The following ARHGAP40 variants were observed in gnomAD, a reference collection of about 807,000 sequenced individuals.
ARHGAP40 encodes the protein rho GTPase-activating protein 40.
In ARHGAP40, 43 loss-of-function variants were observed where a neutral mutation model predicts 73.5. That is an observed-to-expected ratio of 0.58 (90% CI 0.46 to 0.75). The LOEUF (loss-of-function observed/expected upper bound fraction) is 0.75. Ranked by LOEUF, ARHGAP40 falls within the 30% of genes least tolerant of loss-of-function variation. The probability of loss-of-function intolerance (pLI) is 0.00; values close to 1 mark genes in which losing one functional copy is unlikely to be tolerated. For synonymous variants in ARHGAP40, 300 were observed against 352.8 expected (o/e 0.85, Z 1.68); for missense variants, 734 against 861.8 (o/e 0.85, Z 1.86).
chr20:38,623,558 G>T lies in ARHGAP40; in HGVS notation c.337G>T (p.Glu113Ter). The change falls in exon 2 of 15, where the codon GAA becomes TAA. Residue 113 changes from glutamate to a stop codon, truncating the protein, a stop_gained and splice_region_variant. Transcript: ENST00000373345. LOFTEE classifies it high-confidence loss of function. The stretch of plus-strand genomic sequence containing the variant: ...CGGGAATGAAGGCCAGCTTCCAGAG[G>T]GTGAGAGACCCTGGCGGGGGCCTAT... The T allele has an allele frequency of 7.8e-7, 1 of 1,288,368 alleles. No homozygotes were observed. The highest frequency in any genetic ancestry group is 1.0e-6 in the Non-Finnish European group (1 of 987,394). 79.8% of individuals were successfully genotyped at this position (1,288,368 alleles called of 1,614,324 possible).
intron 1 of ARHGAP40, among the ~76,000 whole-genome samples, chr20:38,608,408 T>C (rs915103921): frequency 2.0e-4 from 30 of 152,228 alleles, no homozygotes; most frequent in Admixed American, 1.5e-3. Context: ...CCCCTCGGGC[T>C]GTTTGCCCCA....
At chr20:38,634,566 A>G (rs745840271) in intron 5 of ARHGAP40, 54 bp from the exon 6 acceptor site, 75 of 1,296,800 alleles carry the variant, frequency 5.8e-5, no homozygotes, top group Non-Finnish European at 7.4e-5. Flanking sequence ...GCCCCAAAAT[A>G]CACATCAGAC....
chr20:38,602,685 C>A (rs945269082), intron 1 of ARHGAP40, among the ~76,000 whole-genome samples: 1 of 152,214 alleles, frequency 6.6e-6, no homozygotes, highest in Non-Finnish European at 1.5e-5. Context: ...AAAGTTTTGA[C>A]ATATACCTTG....
In ARHGAP40 at chr20:38,628,714, A is replaced by G. The variant is rs76530900; in HGVS notation, c.559-213A>G. On this transcript the variant is annotated intron_variant, in intron 3 of 14. Coordinates refer to ENST00000373345, the Ensembl canonical transcript of ARHGAP40. ...CCTCTGAAGTGGCATAGCAGTGATT[A>G]AAACCACAGGCTTTGGAGCCAGCCA... Among the ~76,000 whole-genome samples, 637 of 152,334 alleles carry G rather than the reference A, an allele frequency of 4.2e-3. 7 individuals are homozygous for G. The highest frequency in any genetic ancestry group is 0.015 in the African/African-American group (605 of 41,584).
intron 1 of ARHGAP40, among the ~76,000 whole-genome samples, chr20:38,620,225 AAAAC>A (rs1472335329): frequency 6.6e-6 from 1 of 152,266 alleles, no homozygotes; most frequent in Non-Finnish European, 1.5e-5. Flanking sequence ...CGCTGGAAAC[AAAAC>A]AAACAAAACA....
intron 1 of ARHGAP40, among the ~76,000 whole-genome samples, chr20:38,617,212 G>A (rs888079507): frequency 6.6e-6 from 1 of 152,178 alleles, no homozygotes; most frequent in Non-Finnish European, 1.5e-5. Flanking sequence ...GACTCATCCC[G>A]ATGGCCCGCA....
chr20:38,638,642 G>T (rs946972126), intron 7 of ARHGAP40, 119 bp from the exon 8 acceptor site: 2 of 652,538 alleles, frequency 3.1e-6, no homozygotes. Flanking sequence ...ATATTATTCC[G>T]AAGGAAACCC....
intron 1 of ARHGAP40, among the ~76,000 whole-genome samples, chr20:38,613,855 G>A (rs779659588): frequency 3.3e-5 from 5 of 152,206 alleles, no homozygotes; most frequent in Non-Finnish European, 1.5e-5. Flanking sequence ...TAGCAGAAAT[G>A]CTGTGTGAAA....
rs138035816 is a variant in ARHGAP40, at chr20:38,603,451, A to ATCTGTCTATCTG, written c.137+1375_137+1376insGTCTATCTGTCT. On this transcript the variant is annotated intron_variant, in intron 1 of 14. Coordinates refer to ENST00000373345, the Ensembl canonical transcript of ARHGAP40. ...TATCTATCTATCTATCTATCTATCT[A>ATCTGTCTATCTG]TCTATCTATCTATTCTATATCTAAT... Among the ~76,000 whole-genome samples the ATCTGTCTATCTG allele has an allele frequency of 3.3e-5, 5 of 150,012 alleles. No individual in the cohort carries two copies. The East Asian group carries it at 7.9e-4, about 24-fold the overall frequency.
At chr20:38,607,453 T>C (rs2088777849) in intron 1 of ARHGAP40, among the ~76,000 whole-genome samples, 1 of 152,116 alleles carries the variant, frequency 6.6e-6, no homozygotes, top group Admixed American at 6.5e-5. Flanking sequence ...CAAACCACTT[T>C]CCTCCAGGGC....
At chr20:38,643,978 C>T in intron 11 of ARHGAP40, 68 bp downstream of exon 11, 1 of 1,222,224 alleles carries the variant, frequency 8.2e-7, no homozygotes. Context: ...TCTCCAGGAG[C>T]CTGGGCATTG....
intron 11 of ARHGAP40, among the ~76,000 whole-genome samples, chr20:38,644,988 G>A (rs2089042505): frequency 6.6e-6 from 1 of 152,088 alleles, no homozygotes; most frequent in Non-Finnish European, 1.5e-5. Flanking sequence ...AAACCAGCAA[G>A]TGAAGCCCTC....
At chr20:38,639,454 G>A (rs1001410628) in intron 9 of ARHGAP40, 68 bp downstream of exon 9, 251 of 1,269,774 alleles carry the variant, frequency 2.0e-4, no homozygotes, top group Non-Finnish European at 2.5e-4. Flanking sequence ...GGTGGAGAGG[G>A]GAAGCCATGC....
intron 1 of ARHGAP40, among the ~76,000 whole-genome samples, chr20:38,606,191 G>A (rs1427914172): frequency 6.6e-6 from 1 of 152,146 alleles, no homozygotes; most frequent in Non-Finnish European, 1.5e-5. Flanking sequence ...ACTGTGTGAT[G>A]TTTCATTTTA....
chr20:38,630,066 T>C (rs943435866), intron 5 of ARHGAP40, among the ~76,000 whole-genome samples: 68 of 92,958 alleles, frequency 7.3e-4, no homozygotes, highest in African/African-American at 2.0e-3. Flanking sequence ...TCTTTTTTCT[T>C]TCTTTCTTTC....
Position 38,622,321 on chromosome 20 carries a change from T to C in ARHGAP40, c.138-1038T>C, listed in dbSNP as rs373773832. Among the ~76,000 whole-genome samples the C allele has an allele frequency of 4.5e-4, 68 of 152,282 alleles. 1 individual carries two copies. In the South Asian group the frequency reaches 0.014, roughly 31 times the overall value. ...GGGGAAATGGATTTCTTCCCTCTCT[T>C]CTGGCAGGGGTAGTTTATGGTCTAT... On this transcript the variant is annotated intron_variant, in intron 1 of 14. Transcript: ENST00000373345.
rs1429772415 is a variant in ARHGAP40, at chr20:38,646,740, T to C, written c.1711-217T>C. Among the ~76,000 whole-genome samples the C allele has an allele frequency of 6.6e-6, 1 of 152,146 alleles. No individual in the cohort carries two copies. The highest frequency in any genetic ancestry group is 2.4e-5 in the African/African-American group (1 of 41,422). On this transcript the variant is annotated intron_variant, in intron 12 of 14. Transcript: ENST00000373345. This position sits in a 1 kb window ranked among gnomAD's most constrained non-coding sequence, Gnocchi z 4.5. ...GTGTACAAGTGCACCGACACAGGCA[T>C]AGAAACACAAACATAGGCATAGAAA... is the stretch of plus-strand genomic sequence containing the variant.
intron 9 of ARHGAP40, among the ~76,000 whole-genome samples, chr20:38,640,006 C>T (rs563820043): frequency 4.8e-4 from 73 of 152,286 alleles, no homozygotes; most frequent in South Asian, 4.8e-3. Flanking sequence ...CTGATTTCTA[C>T]CCCCAAGCTA....
chr20:38,623,527 C>T, exon 2 of ARHGAP40: 5 of 1,290,316 alleles, frequency 3.9e-6, no homozygotes, highest in Non-Finnish European at 5.1e-6. Context: ...GGGAAGAGGA[C>T]AGTGGCGGGA....
Sources: allele counts gnomAD v4.1 joint callset (sites outside exome capture counted in the v4.1 genomes callset), GRCh38; gene constraint gnomAD v4.1.1; non-coding constraint Gnocchi (gnomAD v3.1); transcripts MANE v1.5; gene names NCBI Gene and HGNC (gene_info 2026-07-23, HGNC 2026-07-21).